Variants in TNC observed in about 807,000 individuals in gnomAD.
TNC encodes tenascin C.
Under a neutral mutation model 202.4 loss-of-function variants are expected in TNC, and 109 were observed. The ratio of observed to expected loss-of-function variants is 0.54; its 90% CI spans 0.46 to 0.63. The LOEUF is 0.63. Among genes scored for constraint, TNC ranks in the 30% least tolerant of loss-of-function variants. The pLI is 0.00. For missense variants in TNC, 2,756 were observed against 2,833.3 expected, an observed-to-expected ratio of 0.97 and a Z score of 0.62; for synonymous variants, 1,007 against 1,089.7, an observed-to-expected ratio of 0.92 and a Z score of 1.50.
chr9:115,087,808 T>G (rs1834911105), intron 2 of TNC, among the ~76,000 whole-genome samples: 1 of 151,512 alleles, frequency 6.6e-6, no homozygotes, highest in African/African-American at 2.4e-5. Context: ...TTCATGCCAT[T>G]CTCCTGCCTC....
intron 20 of TNC, among the ~76,000 whole-genome samples, chr9:115,036,917 A>ATT (rs1830376728): frequency 1.3e-5 from 2 of 152,162 alleles, no homozygotes; most frequent in African/African-American, 2.4e-5. Flanking sequence ...AGCGGGGACA[A>ATT]GTTGGTCAAC....
chr9:115,080,821 A>G (rs1834246718), intron 6 of TNC, among the ~76,000 whole-genome samples: 1 of 151,836 alleles, frequency 6.6e-6, no homozygotes, highest in Non-Finnish European at 1.5e-5. Context: ...CTAAGGCAGG[A>G]GAATCACTTG....
At chr9:115,035,111 G>T in intron 22 of TNC, 93 bp downstream of exon 22, 1 of 1,421,784 alleles carries the variant, frequency 7.0e-7, no homozygotes, top group Non-Finnish European at 9.4e-7. Context: ...GATGCACTGG[G>T]GTAGAAAAAC....
chr9:115,027,694 G>A (rs1347044127), intron 25 of TNC, among the ~76,000 whole-genome samples: 3 of 152,130 alleles, frequency 2.0e-5, no homozygotes, highest in Non-Finnish European at 4.4e-5. Context: ...AACATTTTCT[G>A]GGGTAGGCAG....
intron 1 of TNC, among the ~76,000 whole-genome samples, chr9:115,097,796 G>A (rs78717254): frequency 6.6e-6 from 1 of 152,300 alleles, no homozygotes. Flanking sequence ...GAGAGGTCTT[G>A]TTCTACTAGG....
chr9:115,025,466 A>T (rs1295972962), intron 26 of TNC, among the ~76,000 whole-genome samples: 1 of 152,114 alleles, frequency 6.6e-6, no homozygotes, highest in East Asian at 1.9e-4. Flanking sequence ...AAACGTGCCA[A>T]GCTTCTATCT....
rs1834540506 is a variant in TNC at position 115,084,308 on chromosome 9, T to C, written c.2032A>G (p.Ile678Val). 4 of 1,614,058 alleles carry C rather than the reference T, an allele frequency of 2.5e-6. No individual in the cohort carries two copies. The highest frequency in any genetic ancestry group is 3.4e-6 in the Non-Finnish European group (4 of 1,180,030). Reference protein sequence around the residue: ...FRVPGDQTSTIIQELEPGVEY... With the variant: ...FRVPGDQTSTVIQELEPGVEY... ...ACACCAGGCTCCAGCTCCTGGATGA[T>C]GGTGGACGTCTGGTCCCCAGGCACA... is the stretch of plus-strand genomic sequence containing the variant. The change falls in exon 4 of 28, where the codon ATC becomes GTC. Residue 678 changes from isoleucine (I) to valine (V), a missense_variant. This residue lies in a region of TNC where 2,559 missense variants were observed against 2,546.0 expected (regional missense o/e 1.01). Transcript: ENST00000350763.
intron 20 of TNC, among the ~76,000 whole-genome samples, chr9:115,037,476 C>T (rs1830417124): frequency 6.6e-6 from 1 of 152,126 alleles, no homozygotes; most frequent in African/African-American, 2.4e-5. Flanking sequence ...GGTACATTAG[C>T]ACTGATGGTT....
rs1015189908 is a variant in TNC at position 115,058,516 on chromosome 9, T to C, written c.4307-1091A>G. On this transcript the variant is annotated intron_variant, in intron 14 of 27. Transcript: ENST00000350763. ...TTGCCTTCTGGGAAGGGATGGTTTATGGGTCTCAGAAAAAGGAGGTCCGGG... is the reference window on the plus strand; with the variant it reads ...TTGCCTTCTGGGAAGGGATGGTTTACGGGTCTCAGAAAAAGGAGGTCCGGG... Among the ~76,000 whole-genome samples the C allele has an allele frequency of 2.0e-5, 3 of 152,208 alleles. 1 individual carries two copies. In the South Asian group the frequency reaches 6.2e-4, roughly 32 times the overall value.
intron 1 of TNC, among the ~76,000 whole-genome samples, chr9:115,100,387 T>G (rs1482304500): frequency 6.6e-6 from 1 of 152,230 alleles, no homozygotes; most frequent in Non-Finnish European, 1.5e-5. Flanking sequence ...AGAATCATTC[T>G]AAATCATCAC....
chr9:115,091,182 A>T (rs949464249), intron 1 of TNC, 28 bp from the exon 2 acceptor site: 8 of 613,840 alleles, frequency 1.3e-5, no homozygotes, highest in African/African-American at 1.3e-4. Flanking sequence ...CAAAAAAATT[A>T]TGAGTATCTA....
chr9:115,091,409 AAT>A (rs1454416296), intron 1 of TNC, among the ~76,000 whole-genome samples: 1 of 152,222 alleles, frequency 6.6e-6, no homozygotes, highest in Non-Finnish European at 1.5e-5. Context: ...AAAATATTGA[AAT>A]AAAATAGACA....
chr9:115,024,016 C>A lies in TNC; in HGVS notation c.6452G>T (p.Arg2151Leu). ...CCCATATCTCCCCATCAGGTTGACA[C>A]GGTGACAGTTCCTGTACCAGAAAGC... is the stretch of plus-strand genomic sequence containing the variant. ...KGAFWYRNCH[R>L]VNLMGRYGDN... Residue 2151 changes from arginine (R) to leucine (L), a missense_variant, in exon 27 of 28, where the codon CGT becomes CTT. By Grantham distance (102) the Arg-to-Leu change is moderately radical. Around this residue, in one of 2 missense-constraint regions of TNC, gnomAD observed 197 missense variants for 287.3 expected, o/e 0.69. Transcript: ENST00000350763. 6.2e-7 allele frequency: 1 copy of A among 1,614,102 alleles called. No homozygotes were observed. Among genetic ancestry groups the A allele is most frequent in the East Asian group, 2.2e-5 (1 of 44,888 alleles).
chr9:115,049,857 G>A (rs909567177), intron 15 of TNC, among the ~76,000 whole-genome samples: 2 of 152,138 alleles, frequency 1.3e-5, no homozygotes, highest in Non-Finnish European at 2.9e-5. Context: ...GTTTTAAAAA[G>A]AAGTGTTTGG....
At chr9:115,035,085 T>TA in intron 22 of TNC, 119 bp downstream of exon 22, 1 of 1,218,690 alleles carries the variant, frequency 8.2e-7, no homozygotes, top group Non-Finnish European at 1.1e-6. Context: ...TACTAATTTT[T>TA]TTTTTCAGCT....
intron 22 of TNC, 124 bp downstream of exon 22, chr9:115,035,080 A>T (rs1588017026): frequency 1.8e-5 from 15 of 852,732 alleles, no homozygotes; most frequent in South Asian, 2.0e-5. Context: ...GTCTCTACTA[A>T]TTTTTTTTTT....
chr9:115,038,113 G>A, intron 20 of TNC, 148 bp downstream of exon 20: 3 of 996,528 alleles, frequency 3.0e-6, no homozygotes, highest in Non-Finnish European at 4.3e-6. Context: ...TTTCAGTTGG[G>A]AGCCACATGA....
chr9:115,107,359 C>T (rs542335046), intron 1 of TNC, among the ~76,000 whole-genome samples: 2 of 152,108 alleles, frequency 1.3e-5, no homozygotes, highest in South Asian at 2.1e-4. Context: ...CAAAAATAGG[C>T]TGCCACCCTA....
At chr9:115,059,601 A>C (rs1040193387) in intron 14 of TNC, 129 bp downstream of exon 14, 1 of 984,498 alleles carries the variant, frequency 1.0e-6, no homozygotes, top group South Asian at 1.8e-5. Flanking sequence ...GTCTCTGAGC[A>C]TGCACAGCCG....
Sources: gnomAD v4.1 joint callset for allele counts (sites outside exome capture counted in the v4.1 genomes callset) on GRCh38, gnomAD v4.1.1 for gene constraint, gnomAD v4.1.1 regional missense constraint, MANE v1.5 for transcripts, NCBI Gene and HGNC (gene_info 2026-07-23, HGNC 2026-07-21) for gene names.